XPO5: variants seen among roughly 807,000 people sequenced by gnomAD.
XPO5 encodes the protein exportin 5, also known as exportin-5.
XPO5 carries 46 observed loss-of-function variants against 160.6 expected under a neutral mutation model. The observed-to-expected ratio is 0.29, with a 90% CI of 0.23 to 0.37. The LOEUF (loss-of-function observed/expected upper bound fraction) is 0.37, where lower values mean the gene tolerates loss of function less well. XPO5 is among the 10% of genes least tolerant of loss of function. The pLI, the probability that XPO5 is intolerant of heterozygous loss-of-function variation, is 1.00. For missense variants in XPO5, 1,090 were observed against 1,463.9 expected (o/e 0.74, Z 4.17); for synonymous variants, 537 against 519.3 (o/e 1.03, Z -0.46).
intron 20 of XPO5, among the ~76,000 whole-genome samples, chr6:43,537,511 C>T (rs1302334853): frequency 2.0e-5 from 3 of 152,292 alleles, no homozygotes; most frequent in South Asian, 2.1e-4. Context: ...TGCATTGAAG[C>T]GCAATAGCAG....
At chr6:43,553,751 T>C (rs1319559499) in intron 13 of XPO5, 2 of 626,116 alleles carry the variant, frequency 3.2e-6, no homozygotes, top group Admixed American at 4.1e-5. Context: ...CGGTCTGAAT[T>C]CACCTCTATG....
At position 43,549,926 on chromosome 6, in the gene XPO5, T is replaced by C. The variant is rs1448744802; in HGVS notation, c.1737A>G (p.Ser579=). ...CTTCAACAGTTTCAAAAGTGACAGA[T>C]GAAAATAGCTAAGGGAGAGGAGGAA... is the stretch of plus-strand genomic sequence containing the variant. ...FLPQVFSKLF[S]SVTFETVEES... is the part of the protein sequence containing the mutation. Residue 579 remains serine, a synonymous_variant, in exon 16 of 32, where the codon TCA becomes TCG. Transcript: ENST00000265351. 1.9e-6 allele frequency: 3 copies of C among 1,612,382 alleles called. No individual in the cohort carries two copies. The highest frequency in any genetic ancestry group is 2.2e-5 in the East Asian group (1 of 44,858).
chr6:43,555,758 A>T (rs1289259047), intron 13 of XPO5, 78 bp downstream of exon 13: 7 of 1,571,364 alleles, frequency 4.5e-6, no homozygotes, highest in Non-Finnish European at 6.1e-6. Flanking sequence ...ATGTGTGTAT[A>T]GCTCAGGCTC....
At chr6:43,573,806 T>C (rs1375578412) in intron 1 of XPO5, among the ~76,000 whole-genome samples, 1 of 116,394 alleles carries the variant, frequency 8.6e-6, no homozygotes, top group Non-Finnish European at 1.8e-5. Context: ...CTCTATTAAA[T>C]ATATATATAT....
In XPO5 at chr6:43,553,410, C is replaced by T; in HGVS notation, c.1535G>A (p.Ser512Asn). 6.2e-7 allele frequency: 1 copy of T among 1,606,892 alleles called. No individual in the cohort carries two copies. Among genetic ancestry groups the T allele is most frequent in the African/African-American group, 1.3e-5 (1 of 74,928 alleles). ...TGTTCGAAACATCTGGGTGATAACACTTTCCAAAAAAAGAGTCATGGCTTC... is the reference window on the plus strand; with the variant it reads ...TGTTCGAAACATCTGGGTGATAACATTTTCCAAAAAAAGAGTCATGGCTTC... ...QWEAMTLFLE[S>N]VITQMFRTLN... is the part of the protein sequence containing the mutation. Residue 512 changes from serine (S) to asparagine (N), a missense_variant, in exon 14 of 32, where the codon AGT (serine) becomes AAT (asparagine). Ser to Asn is a conservative substitution (Grantham distance 46). This residue lies in a region of XPO5 where 810 missense variants were observed against 1,139.0 expected (regional missense o/e 0.71). Coordinates refer to ENST00000265351, the MANE Select transcript of XPO5 (RefSeq NM_020750.3).
chr6:43,525,226 A>G lies in XPO5; in HGVS notation c.3067-12T>C. 1.3e-6 allele frequency: 2 copies of G among 1,564,220 alleles called. No individual in the cohort carries two copies. Among genetic ancestry groups the G allele is most frequent in the Non-Finnish European group, 1.7e-6 (2 of 1,153,102 alleles). ...GCTGTACAAACATCCTGAACAGGAA[A>G]AGATGAAGAGTTACAATGGAAAAAG... On this transcript the variant is annotated splice_polypyrimidine_tract_variant and intron_variant, in intron 28 of 31. Transcript: ENST00000265351.
chr6:43,539,527 C>T lies in XPO5; in HGVS notation c.2343-5520G>A. On this transcript the variant is annotated intron_variant, in intron 20 of 31. Transcript: ENST00000265351. ...GGCCCAGCTTGGTGACGGGCATCCACTCCTTATCTTTGGCCTTGCCTCCGC... is the reference window on the plus strand; with the variant it reads ...GGCCCAGCTTGGTGACGGGCATCCATTCCTTATCTTTGGCCTTGCCTCCGC... 6 of 1,517,858 alleles carry T rather than the reference C, an allele frequency of 4.0e-6. No homozygotes were observed. The South Asian group carries it at 4.5e-5, about 11-fold the overall frequency. The allele number at this position is 1,517,858 out of a possible 1,614,324, so 94.0% of individuals were successfully genotyped here.
At chr6:43,565,868 A>G (rs1177384338) in intron 7 of XPO5, 132 bp from the exon 8 acceptor site, 2 of 646,732 alleles carry the variant, frequency 3.1e-6, no homozygotes. Flanking sequence ...AAACACTAGA[A>G]AGAAGCCCAA....
chr6:43,560,174 A>T lies in XPO5; in HGVS notation c.1221+4T>A, dbSNP rs757660686. On this transcript the variant is annotated splice_donor_region_variant and intron_variant, in intron 11 of 31. Transcript: ENST00000265351. ...TTCCACATGTTTAGATTCCCATTAT[A>T]TACCTTGACCAAGTTAGTCATGGAA... is the stretch of plus-strand genomic sequence containing the variant. 1 of 1,612,476 alleles carries T rather than the reference A, an allele frequency of 6.2e-7. No homozygotes were observed. Among genetic ancestry groups the T allele is most frequent in the Non-Finnish European group, 8.5e-7 (1 of 1,179,130 alleles).
intron 20 of XPO5, chr6:43,539,662 A>C: frequency 4.5e-6 from 5 of 1,111,536 alleles, no homozygotes; most frequent in Non-Finnish European, 6.5e-6. Flanking sequence ...CAGGGCCACC[A>C]GGGCCTCCAG....
intron 1 of XPO5, 99 bp downstream of exon 1, chr6:43,575,661 C>G: frequency 9.0e-7 from 1 of 1,107,112 alleles, no homozygotes; most frequent in Non-Finnish European, 1.3e-6. Flanking sequence ...GTCCAGGGGC[C>G]GCGTGGGCGG....
Position 43,575,962 on chromosome 6 carries a change from G to T in XPO5, c.-98C>A. 1 of 1,218,674 alleles carries T rather than the reference G, an allele frequency of 8.2e-7. No individual in the cohort carries two copies. The highest frequency in any genetic ancestry group is 1.2e-6 in the Non-Finnish European group (1 of 858,072). The allele number at this position is 1,218,674 out of a possible 1,614,324, so 75.5% of individuals were successfully genotyped here. On this transcript the variant is annotated 5_prime_UTR_variant, in exon 1 of 32. Transcript: ENST00000265351. ...AGACCACCCGTTGGTACCGGGCCGC[G>T]GCGGGCGGCGGGGGTGGGAAGCTGG...
At chr6:43,525,981 T>C (rs1247332969) in intron 27 of XPO5, 60 bp from the exon 28 acceptor site, 6 of 1,593,022 alleles carry the variant, frequency 3.8e-6, no homozygotes, top group African/African-American at 1.3e-5. Flanking sequence ...GAATATCTTG[T>C]TCTGACAGAA....
In XPO5 at chr6:43,570,828, T is replaced by C. The variant is rs79600184; in HGVS notation, c.438+29A>G. ...CTGAAGTTTGTTCCAAGGAAAAGTA[T>C]ACCAAACTGATATAGCTGTGTTTCA... On this transcript the variant is annotated intron_variant, in intron 4 of 31. Transcript: ENST00000265351. 3,143 of 1,577,912 alleles carry C rather than the reference T, an allele frequency of 2.0e-3. 44 individuals are homozygous for C. The African/African-American group carries it at 0.036, about 18-fold the overall frequency.
rs188772079 is a variant in XPO5 at position 43,527,505 on chromosome 6, C to A, written c.2920+129G>T. ...GCCAGGATGGTCTTGATCTTTTGAC[C>A]TCGCAATCCACCATGCCCGCCGCAA... On this transcript the variant is annotated intron_variant, in intron 26 of 31. Transcript: ENST00000265351. 226 of 856,684 alleles carry A rather than the reference C, an allele frequency of 2.6e-4. 1 individual carries two copies. The African/African-American group carries it at 2.8e-3, about 11-fold the overall frequency. 53.1% of individuals were successfully genotyped at this position (856,684 alleles called of 1,614,324 possible).
chr6:43,560,064 C>T, intron 11 of XPO5, 114 bp downstream of exon 11: 1 of 1,313,516 alleles, frequency 7.6e-7, no homozygotes, highest in Non-Finnish European at 1.0e-6. Context: ...AGCGATCCTC[C>T]CGCCTCAGCC....
chr6:43,551,533 C>A, intron 14 of XPO5, 80 bp from the exon 15 acceptor site: 1 of 1,540,344 alleles, frequency 6.5e-7, no homozygotes, highest in Non-Finnish European at 8.8e-7. Context: ...TTATTTTCAT[C>A]TTTTAAAGAG....
Position 43,562,356 on chromosome 6 carries a change from G to A in XPO5, c.912-10C>T. On this transcript the variant is annotated splice_polypyrimidine_tract_variant and intron_variant, in intron 8 of 31. Coordinates refer to ENST00000265351, the MANE Select transcript of XPO5 (RefSeq NM_020750.3). ...TCCTCCATCAGCAGTCCTGTAAGAT[G>A]AGAATTCCTTATATCACCAACAAAA... The A allele has an allele frequency of 5.0e-6, 8 of 1,589,394 alleles. No individual in the cohort carries two copies. Among genetic ancestry groups the A allele is most frequent in the Non-Finnish European group, 6.9e-6 (8 of 1,164,378 alleles).
At chr6:43,531,051 G>A (rs1193770891) in intron 22 of XPO5, among the ~76,000 whole-genome samples, 4 of 152,184 alleles carry the variant, frequency 2.6e-5, no homozygotes, top group Non-Finnish European at 5.9e-5. Context: ...TACAATGGAC[G>A]ATCTCATTAG....
Sources: gnomAD v4.1 joint callset for allele counts (sites outside exome capture counted in the v4.1 genomes callset) on GRCh38, gnomAD v4.1.1 for gene constraint, gnomAD v4.1.1 regional missense constraint, MANE v1.5 for transcripts, NCBI Gene and HGNC (gene_info 2026-07-23, HGNC 2026-07-21) for gene names.